ATP9B: variants seen among roughly 807,000 people sequenced by gnomAD.
The protein encoded by ATP9B is ATPase phospholipid transporting 9B.
Under a neutral mutation model 146.1 loss-of-function variants are expected in ATP9B, and 110 were observed. The ratio of observed to expected loss-of-function variants is 0.75; its 90% confidence interval spans 0.65 to 0.88. The LOEUF (loss-of-function observed/expected upper bound fraction) is 0.88. Ranked by LOEUF, ATP9B falls within the 40% of genes least tolerant of loss-of-function variation. The pLI is 0.00. For synonymous variants in ATP9B, 604 were observed against 569.7 expected (o/e 1.06, Z -0.86); for missense variants, 1,499 against 1,496.4 (o/e 1.00, Z -0.03).
At chr18:79,293,122 G>C (rs972387420) in intron 13 of ATP9B, among the ~76,000 whole-genome samples, 2 of 150,646 alleles carry the variant, frequency 1.3e-5, no homozygotes, top group Non-Finnish European at 3.0e-5. Context: ...TTCAACAAAT[G>C]GTGCTGGGCA....
chr18:79,375,674 G>A, intron 29 of ATP9B: 4 of 985,430 alleles, frequency 4.1e-6, no homozygotes, highest in Non-Finnish European at 3.6e-6. Context: ...GCCATCTGCT[G>A]AGGATTGCAT....
intron 25 of ATP9B, chr18:79,353,723 C>T (rs1358384090): frequency 6.6e-6 from 1 of 152,216 alleles, no homozygotes. Flanking sequence ...CATGGTCACA[C>T]GGCGGTTCCA....
At chr18:79,276,438 A>G (rs1413348265) in intron 12 of ATP9B, among the ~76,000 whole-genome samples, 4 of 152,264 alleles carry the variant, frequency 2.6e-5, no homozygotes, top group Admixed American at 1.3e-4. Flanking sequence ...TTGTCATATC[A>G]TATCCCATTT....
At position 79,126,354 on chromosome 18, in the gene ATP9B, T is replaced by C. The variant is rs2147190861; in HGVS notation, c.646T>C (p.Tyr216His). The stretch of plus-strand genomic sequence containing the variant: ...TGACAAGGAAGTGAATTCACAACTA[T>C]ATAGCAAGCTTACAGTAAGAGGTCA... ...QRDKEVNSQL[Y>H]SKLTVRGKVQ... Residue 216 changes from tyrosine to histidine, a missense_variant, in exon 5 of 30, where the codon TAT becomes CAT. Transcript: ENST00000426216. 3 of 1,611,140 alleles carry C rather than the reference T, an allele frequency of 1.9e-6. No homozygotes were observed. The highest frequency in any genetic ancestry group is 1.1e-5 in the South Asian group (1 of 90,714).
chr18:79,151,688 G>A (rs1405996142), intron 6 of ATP9B, among the ~76,000 whole-genome samples: 1 of 151,400 alleles, frequency 6.6e-6, no homozygotes, highest in African/African-American at 2.4e-5. Context: ...TGCATTTTCA[G>A]CCTTTTAAAA....
At chr18:79,159,205 C>G (rs749509995) in intron 7 of ATP9B, among the ~76,000 whole-genome samples, 17 of 152,158 alleles carry the variant, frequency 1.1e-4, no homozygotes, top group East Asian at 1.9e-4. Context: ...TTCTGTCAAT[C>G]TGCTTGTTTA....
intron 4 of ATP9B, among the ~76,000 whole-genome samples, chr18:79,120,887 T>A (rs188077919): frequency 1.3e-5 from 2 of 152,202 alleles, no homozygotes; most frequent in Non-Finnish European, 2.9e-5. Flanking sequence ...CATCCACTCT[T>A]TTCTCGTGTG....
intron 11 of ATP9B, among the ~76,000 whole-genome samples, chr18:79,222,358 CA>C (rs368000283): frequency 1.2e-3 from 175 of 140,922 alleles, no homozygotes; most frequent in East Asian, 1.8e-3. Context: ...GACTCCATCT[CA>C]AAAAAAAAAA....
At chr18:79,238,524 T>G (rs755496013) in intron 11 of ATP9B, among the ~76,000 whole-genome samples, 1 of 152,296 alleles carries the variant, frequency 6.6e-6, no homozygotes. Flanking sequence ...CCCCTCCGTG[T>G]ACTCCCTGGT....
chr18:79,275,036 C>T (rs1342527324), intron 12 of ATP9B, among the ~76,000 whole-genome samples: 1 of 152,152 alleles, frequency 6.6e-6, no homozygotes, highest in Non-Finnish European at 1.5e-5. Flanking sequence ...TCCCAGCTAA[C>T]AGCAGAAACC....
At chr18:79,225,361 T>C (rs963791761) in intron 11 of ATP9B, among the ~76,000 whole-genome samples, 4 of 152,248 alleles carry the variant, frequency 2.6e-5, no homozygotes, top group Admixed American at 6.5e-5. Flanking sequence ...CAGCTGATAA[T>C]TACCTGTTGC....
chr18:79,271,091 G>A (rs763158421), intron 12 of ATP9B, among the ~76,000 whole-genome samples: 24 of 152,124 alleles, frequency 1.6e-4, no homozygotes, highest in Non-Finnish European at 3.1e-4. Context: ...CATCTTCAAA[G>A]CTGGTACTCA....
chr18:79,113,566 A>T (rs1161470302), intron 4 of ATP9B, among the ~76,000 whole-genome samples: 1 of 152,144 alleles, frequency 6.6e-6, no homozygotes, highest in Non-Finnish European at 1.5e-5. Flanking sequence ...AGAGCTGCCA[A>T]AGTTACAAAG....
chr18:79,189,444 A>G (rs751738993), intron 8 of ATP9B, among the ~76,000 whole-genome samples: 10 of 152,158 alleles, frequency 6.6e-5, no homozygotes, highest in South Asian at 2.1e-4. Context: ...AATTGTATCA[A>G]TCCCCCACGC....
At position 79,119,065 on chromosome 18, in the gene ATP9B, T is replaced by TCC. The variant is rs1371730956; in HGVS notation, c.558+5711_558+5712insCC. Among the ~76,000 whole-genome samples, 657 of 148,426 alleles carry TCC rather than the reference T, an allele frequency of 4.4e-3. 5 individuals are homozygous for TCC. The highest frequency in any genetic ancestry group is 0.02 in the South Asian group (96 of 4,694). On this transcript the variant is annotated intron_variant, in intron 4 of 29. Transcript: ENST00000426216. ...AAGCCTGGGTAACAGAGCGAGACCG[T>TCC]GTCTTAAAAAAAAAAAAAAAAAAAT...
chr18:79,318,463 G>C (rs1196207914), intron 15 of ATP9B, among the ~76,000 whole-genome samples: 8 of 152,198 alleles, frequency 5.3e-5, no homozygotes, highest in Non-Finnish European at 1.0e-4. Flanking sequence ...TACCCGACCA[G>C]TACTTCTCAA....
At chr18:79,235,976 G>A (rs1433576175) in intron 11 of ATP9B, among the ~76,000 whole-genome samples, 1 of 151,964 alleles carries the variant, frequency 6.6e-6, no homozygotes, top group Non-Finnish European at 1.5e-5. Flanking sequence ...AGATCTCTTG[G>A]TGCAGTCTGC....
intron 11 of ATP9B, among the ~76,000 whole-genome samples, chr18:79,217,967 A>T (rs1313029720): frequency 6.6e-6 from 1 of 152,244 alleles, no homozygotes; most frequent in Non-Finnish European, 1.5e-5. Flanking sequence ...TGGGACATTG[A>T]TACATTGGAG....
At chr18:79,213,617 T>G (rs947543104) in intron 10 of ATP9B, among the ~76,000 whole-genome samples, 4 of 152,136 alleles carry the variant, frequency 2.6e-5, no homozygotes, top group African/African-American at 9.6e-5. Flanking sequence ...GTTAAGGATA[T>G]AGCCTCTTAA....
Sources: allele counts gnomAD v4.1 joint callset (sites outside exome capture counted in the v4.1 genomes callset), GRCh38; gene constraint gnomAD v4.1.1; transcripts MANE v1.5; gene names NCBI Gene and HGNC (gene_info 2026-07-23, HGNC 2026-07-21).